ME3: variants seen among roughly 807,000 people sequenced by gnomAD.
ME3 encodes NADP-dependent malic enzyme, mitochondrial.
ME3 carries 48 observed loss-of-function variants against 68.9 expected under a neutral mutation model. The observed-to-expected ratio is 0.70, with a 90% CI of 0.55 to 0.89. The LOEUF (loss-of-function observed/expected upper bound fraction) is 0.89. Ranked by LOEUF, ME3 falls within the 40% of genes least tolerant of loss-of-function variation. The pLI is 0.00. For synonymous variants in ME3, 320 were observed against 318.8 expected (o/e 1.00, Z -0.04); for missense variants, 675 against 797.4 (o/e 0.85, Z 1.85).
intron 4 of ME3, among the ~76,000 whole-genome samples, chr11:86,510,095 C>G (rs1953405492): frequency 6.6e-6 from 1 of 152,218 alleles, no homozygotes; most frequent in Admixed American, 6.5e-5. Context: ...ACTCTCCTCC[C>G]TTCCATTGCC....
intron 2 of ME3, among the ~76,000 whole-genome samples, chr11:86,631,061 C>T (rs1229648288): frequency 6.6e-6 from 1 of 152,222 alleles, no homozygotes; most frequent in African/African-American, 2.4e-5. Flanking sequence ...GGTCTGGGGC[C>T]TGAGGCCCTG....
chr11:86,663,658 TC>T (rs934387385), intron 2 of ME3, among the ~76,000 whole-genome samples: 3 of 152,070 alleles, frequency 2.0e-5, no homozygotes, highest in South Asian at 2.1e-4. Context: ...AGGCCTTTTT[TC>T]CCCCCTCTCA....
At chr11:86,467,490 G>T (rs1309372023) in intron 7 of ME3, among the ~76,000 whole-genome samples, 1 of 152,138 alleles carries the variant, frequency 6.6e-6, no homozygotes, top group Non-Finnish European at 1.5e-5. Context: ...TGGATTGGGT[G>T]GGGAGGAACA....
At chr11:86,549,789 A>G (rs917271526) in intron 4 of ME3, among the ~76,000 whole-genome samples, 5 of 152,158 alleles carry the variant, frequency 3.3e-5, no homozygotes, top group African/African-American at 9.7e-5. Flanking sequence ...AGAGAGGAGG[A>G]TGGCAGATGT....
chr11:86,572,603 G>T (rs1957863817), intron 2 of ME3, among the ~76,000 whole-genome samples: 1 of 152,114 alleles, frequency 6.6e-6, no homozygotes, highest in South Asian at 2.1e-4. Context: ...CTCTGCAAAG[G>T]ATATGATCTC....
At chr11:86,524,421 C>T (rs546724040) in intron 4 of ME3, among the ~76,000 whole-genome samples, 5 of 152,162 alleles carry the variant, frequency 3.3e-5, no homozygotes, top group Non-Finnish European at 7.4e-5. Flanking sequence ...TTTTTTTCCA[C>T]TGAATCATAA....
At chr11:86,442,261 C>T (rs1170613224) in intron 14 of ME3, among the ~76,000 whole-genome samples, 5 of 152,128 alleles carry the variant, frequency 3.3e-5, no homozygotes, top group African/African-American at 4.8e-5. Context: ...CACCCCATAG[C>T]CAGCCATTCT....
At position 86,618,766 on chromosome 11, in the gene ME3, G is replaced by A. The variant is rs143209799; in HGVS notation, c.183+52996C>T. Among the ~76,000 whole-genome samples the A allele has an allele frequency of 5.1e-3, 775 of 150,696 alleles. 3 individuals are homozygous for A. Among genetic ancestry groups the A allele is most frequent in the African/African-American group, 0.018 (724 of 40,876 alleles). On this transcript the variant is annotated intron_variant, in intron 2 of 14. Transcript: ENST00000543262. The stretch of plus-strand genomic sequence containing the variant: ...GGAGTCTCACTCTGTCACCCAGGCT[G>A]GAGTGCAATGGCGTGATCTCGGCTC...
chr11:86,448,354 C>T, intron 10 of ME3, 99 bp from the exon 11 acceptor site: 2 of 881,636 alleles, frequency 2.3e-6, no homozygotes, highest in Non-Finnish European at 3.7e-6. Context: ...CTGCTGAGCC[C>T]CATGCTTTGG....
intron 4 of ME3, among the ~76,000 whole-genome samples, chr11:86,534,066 GGTGTGT>G (rs747610946): frequency 0.012 from 590 of 48,886 alleles, 3 homozygotes; most frequent in South Asian, 0.056. Flanking sequence ...GTAAAAATGA[GGTGTGT>G]GTGTGTGTGT....
At chr11:86,456,195 T>C (rs983620727) in intron 8 of ME3, among the ~76,000 whole-genome samples, 1 of 152,226 alleles carries the variant, frequency 6.6e-6, no homozygotes, top group African/African-American at 2.4e-5. Flanking sequence ...TGCCATTGGC[T>C]AGCGGGAGTT....
At chr11:86,589,078 G>C (rs1958903936) in intron 2 of ME3, among the ~76,000 whole-genome samples, 1 of 152,180 alleles carries the variant, frequency 6.6e-6, no homozygotes, top group Non-Finnish European at 1.5e-5. Context: ...GTGGGGTTGG[G>C]AAGAAATCTC....
downstream of ME3, among the ~76,000 whole-genome samples, chr11:86,439,564 G>C (rs1278291089): frequency 6.6e-6 from 1 of 152,202 alleles, no homozygotes. Flanking sequence ...GGAAGGGAAG[G>C]ACTTCCCAGA....
chr11:86,573,235 T>C (rs923436757), intron 2 of ME3, among the ~76,000 whole-genome samples: 5 of 152,216 alleles, frequency 3.3e-5, no homozygotes, highest in African/African-American at 1.2e-4. Context: ...AGGTTGCCTA[T>C]TCACTCTGAT....
chr11:86,536,022 C>G (rs1285754358), intron 4 of ME3, among the ~76,000 whole-genome samples: 1 of 152,096 alleles, frequency 6.6e-6, no homozygotes, highest in African/African-American at 2.4e-5. Context: ...AGAAAGAGTC[C>G]TGGAGGCAAA....
chr11:86,515,934 G>A (rs1953869909), intron 4 of ME3, among the ~76,000 whole-genome samples: 1 of 152,172 alleles, frequency 6.6e-6, no homozygotes. Flanking sequence ...AACATTTCCA[G>A]CTTTTGAGCA....
intron 2 of ME3, among the ~76,000 whole-genome samples, chr11:86,597,583 T>TAGCC (rs1304868558): frequency 6.6e-6 from 1 of 152,246 alleles, no homozygotes; most frequent in Non-Finnish European, 1.5e-5. Flanking sequence ...TGTGCAGCTT[T>TAGCC]AGACACAGCA....
intron 2 of ME3, among the ~76,000 whole-genome samples, chr11:86,588,014 T>C (rs1958840870): frequency 6.6e-6 from 1 of 152,186 alleles, no homozygotes; most frequent in Non-Finnish European, 1.5e-5. Context: ...GGGCTAATAA[T>C]ACTAATTCCA....
At chr11:86,496,694 A>G (rs950274594) in intron 6 of ME3, among the ~76,000 whole-genome samples, 47 of 152,314 alleles carry the variant, frequency 3.1e-4, no homozygotes, top group African/African-American at 1.1e-3. Flanking sequence ...AAGACTAGAA[A>G]CAACCTAAGT....
Sources: allele counts gnomAD v4.1 joint callset (sites outside exome capture counted in the v4.1 genomes callset), GRCh38; gene constraint gnomAD v4.1.1; transcripts MANE v1.5; gene names NCBI Gene and HGNC (gene_info 2026-07-23, HGNC 2026-07-21).